AVL9: variants seen among roughly 807,000 people sequenced by gnomAD.
AVL9 encodes the protein AVL9 cell migration associated, also known as late secretory pathway protein AVL9 homolog.
Under a neutral mutation model 79.2 loss-of-function variants are expected in AVL9, and 49 were observed. The observed-to-expected ratio is 0.62, with a 90% CI of 0.49 to 0.79. AVL9 has a LOEUF of 0.79. Ranked by LOEUF, AVL9 falls within the 30% of genes least tolerant of loss-of-function variation. The pLI is 0.00. For synonymous variants in AVL9, 299 were observed against 280.6 expected, an observed-to-expected ratio of 1.07 and a Z score of -0.65; for missense variants, 682 against 776.8, an observed-to-expected ratio of 0.88 and a Z score of 1.45.
At chr7:32,582,512 A>AT (rs1276179340) in intron 15 of AVL9, among the ~76,000 whole-genome samples, 2 of 152,172 alleles carry the variant, frequency 1.3e-5, no homozygotes, top group Non-Finnish European at 2.9e-5. Flanking sequence ...TTGAATTTTT[A>AT]TTTTTTAATA....
At chr7:32,576,473 C>T (rs1230857633) in intron 13 of AVL9, among the ~76,000 whole-genome samples, 1 of 152,178 alleles carries the variant, frequency 6.6e-6, no homozygotes, top group Non-Finnish European at 1.5e-5. Context: ...AATTTTAAAA[C>T]ATGACATATG....
At chr7:32,523,513 T>TTTA (rs1788264030) in intron 1 of AVL9, among the ~76,000 whole-genome samples, 1 of 64,714 alleles carries the variant, frequency 1.5e-5, no homozygotes, top group African/African-American at 8.3e-5. Context: ...ATTTCCTTTT[T>TTTA]TTTTTTTTTT....
intron 13 of AVL9, among the ~76,000 whole-genome samples, chr7:32,578,391 G>A (rs1016929352): frequency 6.6e-6 from 1 of 152,146 alleles, no homozygotes; most frequent in African/African-American, 2.4e-5. Context: ...CAGCTTTTCA[G>A]TAATTCTTGC....
At chr7:32,578,520 A>C (rs1386238330) in intron 13 of AVL9, among the ~76,000 whole-genome samples, 1 of 152,234 alleles carries the variant, frequency 6.6e-6, no homozygotes, top group East Asian at 1.9e-4. Flanking sequence ...TAAAAATAAC[A>C]AATGTGGCCA....
chr7:32,558,471 A>G, intron 8 of AVL9, 88 bp from the exon 9 acceptor site: 1 of 1,026,386 alleles, frequency 9.7e-7, no homozygotes, highest in African/African-American at 1.6e-5. Context: ...TTATTCTTAT[A>G]TAAGGAATTT....
chr7:32,552,232 C>G lies in AVL9; in HGVS notation c.466C>G (p.Leu156Val). The change falls in exon 6 of 16, where the codon CTT (leucine) becomes GTT (valine). Residue 156 changes from leucine to valine, a missense_variant. Leu to Val is a conservative substitution (Grantham distance 32). Transcript: ENST00000318709. ...DFSQISILKELYEHMNSSLGG... is the reference protein window; with the variant it reads ...DFSQISILKEVYEHMNSSLGG... ...AAATTCAATCTATATTTTATAGGAG[C>G]TTTATGAACATATGAATAGTTCCTT... 6.3e-7 allele frequency: 1 copy of G among 1,577,514 alleles called. No homozygotes were observed. Among genetic ancestry groups the G allele is most frequent in the Non-Finnish European group, 8.7e-7 (1 of 1,148,990 alleles).
chr7:32,565,709 G>A (rs887002576), intron 10 of AVL9, among the ~76,000 whole-genome samples: 1 of 151,376 alleles, frequency 6.6e-6, no homozygotes, highest in Admixed American at 6.6e-5. Context: ...ACTAAGTAAA[G>A]TCAAAAAATT....
At chr7:32,568,173 CT>C (rs571008323) in intron 10 of AVL9, among the ~76,000 whole-genome samples, 1 of 150,404 alleles carries the variant, frequency 6.6e-6, no homozygotes, top group Non-Finnish European at 1.5e-5. Flanking sequence ...CCCGCTTATT[CT>C]TTTTTTTACA....
intron 15 of AVL9, chr7:32,581,127 C>T (rs1447718755): frequency 2.1e-6 from 1 of 477,864 alleles, no homozygotes; most frequent in Non-Finnish European, 3.7e-6. Context: ...TGTTTTGCTA[C>T]CAAGATTCAA....
intron 7 of AVL9, 61 bp downstream of exon 7, chr7:32,553,828 T>G: frequency 8.1e-7 from 1 of 1,228,438 alleles, no homozygotes; most frequent in Non-Finnish European, 1.2e-6. Context: ...AACACTGTTC[T>G]TAGTGTGCTC....
intron 13 of AVL9, among the ~76,000 whole-genome samples, chr7:32,579,195 G>T (rs1791236086): frequency 1.4e-5 from 2 of 144,564 alleles, no homozygotes; most frequent in South Asian, 4.3e-4. Flanking sequence ...ATAAGAATTG[G>T]ATATTTATTG....
Position 32,558,941 on chromosome 7 carries a change from A to G in AVL9, c.692A>G (p.His231Arg). Reference sequence around the variant, plus strand: ...TTGCATATTTTAGGCATGATTGAACATGGTCTCAGTGACTGTTCTCAGTAT... The same window carrying G: ...TTGCATATTTTAGGCATGATTGAACGTGGTCTCAGTGACTGTTCTCAGTAT... Reference protein sequence around the residue: ...VLSLFPGMIEHGLSDCSQYRP... With the variant: ...VLSLFPGMIERGLSDCSQYRP... The change falls in exon 10 of 16, where the codon CAT (histidine) becomes CGT (arginine). Residue 231 changes from histidine to arginine, a missense_variant. His to Arg is a conservative substitution (Grantham distance 29). Coordinates refer to ENST00000318709, the MANE Select transcript of AVL9 (RefSeq NM_015060.3). 1.9e-6 allele frequency: 3 copies of G among 1,580,616 alleles called. No individual in the cohort carries two copies. The highest frequency in any genetic ancestry group is 2.2e-5 in the East Asian group (1 of 44,634).
chr7:32,559,382 C>G lies in AVL9; in HGVS notation c.1133C>G (p.Thr378Arg). 6.2e-7 allele frequency: 1 copy of G among 1,613,680 alleles called. No individual in the cohort carries two copies. The highest frequency in any genetic ancestry group is 1.3e-5 in the African/African-American group (1 of 75,038). ...ATTACTGTACAACCTCAAGCTAATA[C>G]GGGACAGGTAGTCCTGATACCAGGG... ...LPITVQPQAN[T>R]GQVVLIPGLI... Residue 378 changes from threonine to arginine, a missense_variant, in exon 10 of 16, where the codon ACG becomes AGG. Physicochemically the swap from Thr to Arg is moderately conservative, Grantham distance 71. Coordinates refer to ENST00000318709, the MANE Select transcript of AVL9 (RefSeq NM_015060.3).
chr7:32,506,747 A>C (rs936337631), intron 1 of AVL9, among the ~76,000 whole-genome samples: 1 of 94,048 alleles, frequency 1.1e-5, no homozygotes, highest in Admixed American at 9.7e-5. Flanking sequence ...GTCTCTATTT[A>C]AAAAAAAAAA....
At chr7:32,528,134 G>A (rs1254453843) in intron 1 of AVL9, among the ~76,000 whole-genome samples, 1 of 152,058 alleles carries the variant, frequency 6.6e-6, no homozygotes, top group Admixed American at 6.6e-5. Context: ...TTTCCAATCA[G>A]AAACTGTTTA....
At position 32,495,766 on chromosome 7, in the gene AVL9, C is replaced by G; in HGVS notation, c.57C>G (p.Ile19Met). The change falls in exon 1 of 16, where the codon ATC becomes ATG. Residue 19 changes from isoleucine (I) to methionine (M), a missense_variant. Physicochemically the swap from Ile to Met is conservative, Grantham distance 10. Transcript: ENST00000318709. ...DGVPRGPVLH[I>M]VVVGFHHKKG... ...TCCCCCGGGGGCCCGTACTGCACATCGTGGTGGTCGGATTTCACCACAAGA... is the reference window on the plus strand; with the variant it reads ...TCCCCCGGGGGCCCGTACTGCACATGGTGGTGGTCGGATTTCACCACAAGA... 2.4e-6 allele frequency: 3 copies of G among 1,260,146 alleles called. No homozygotes were observed. Among genetic ancestry groups the G allele is most frequent in the Non-Finnish European group, 3.0e-6 (3 of 992,322 alleles). The allele number at this position is 1,260,146 out of a possible 1,614,324, so 78.1% of individuals were successfully genotyped here.
At position 32,559,609 on chromosome 7, in the gene AVL9, T is replaced by A. The variant is rs568490503; in HGVS notation, c.1215+145T>A. The A allele has an allele frequency of 6.8e-6, 5 of 735,136 alleles. No individual in the cohort carries two copies. In the East Asian group the frequency reaches 8.2e-5, roughly 12 times the overall value. 45.5% of individuals were successfully genotyped at this position (735,136 alleles called of 1,614,324 possible). On this transcript the variant is annotated intron_variant, in intron 10 of 15. Coordinates refer to ENST00000318709, the MANE Select transcript of AVL9 (RefSeq NM_015060.3). ...TAAAGTACAACCAAATACATAGTAC[T>A]GTGGCATCCGTGACCATAGTATAAG...
At chr7:32,561,616 C>T (rs567536711) in intron 10 of AVL9, among the ~76,000 whole-genome samples, 2 of 152,328 alleles carry the variant, frequency 1.3e-5, no homozygotes, top group East Asian at 3.9e-4. Context: ...CACTTTCTTA[C>T]CATTTGTGTG....
At chr7:32,499,353 ACT>A (rs1787015046) in intron 1 of AVL9, among the ~76,000 whole-genome samples, 1 of 29,404 alleles carries the variant, frequency 3.4e-5, no homozygotes, top group Non-Finnish European at 6.7e-5. Context: ...TATCACATTA[ACT>A]CTGTTTTTTT....
Sources: gnomAD v4.1 joint callset for allele counts (sites outside exome capture counted in the v4.1 genomes callset) on GRCh38, gnomAD v4.1.1 for gene constraint, MANE v1.5 for transcripts, NCBI Gene and HGNC (gene_info 2026-07-23, HGNC 2026-07-21) for gene names.